NCAPD3: variants seen among roughly 807,000 people sequenced by gnomAD.
The protein encoded by NCAPD3 is condensin-2 complex subunit D3.
A neutral mutation model predicts 182.9 loss-of-function variants in NCAPD3; 105 were observed. The observed-to-expected ratio is 0.57, with a 90% CI of 0.49 to 0.68. NCAPD3 has a LOEUF of 0.68. NCAPD3 is among the 30% of genes least tolerant of loss of function. The pLI, the probability that NCAPD3 is intolerant of heterozygous loss-of-function variation, is 0.00. For synonymous variants in NCAPD3, 815 were observed against 679.9 expected (o/e 1.20, Z -3.09); for missense variants, 1,944 against 1,837.0 (o/e 1.06, Z -1.07).
At chr11:134,205,039 C>T (rs1944822486) in intron 8 of NCAPD3, 68 bp from the exon 9 acceptor site, 3 of 1,189,770 alleles carry the variant, frequency 2.5e-6, no homozygotes, top group African/African-American at 1.5e-5. Flanking sequence ...AACCACTACT[C>T]CTATATTTAG....
At chr11:134,223,462 A>G (rs1938320747) in intron 1 of NCAPD3, 3 of 702,594 alleles carry the variant, frequency 4.3e-6, no homozygotes, top group Admixed American at 2.0e-5. Context: ...TGATGTCTGC[A>G]TGTGAGACAT....
At chr11:134,184,033 A>C (rs890873912) in intron 19 of NCAPD3, among the ~76,000 whole-genome samples, 7 of 152,226 alleles carry the variant, frequency 4.6e-5, no homozygotes, top group African/African-American at 1.2e-4. Flanking sequence ...TATGGTAATA[A>C]AATTATTTCT....
intron 22 of NCAPD3, 161 bp downstream of exon 22, chr11:134,178,473 G>A (rs1369798001): frequency 2.0e-6 from 1 of 496,954 alleles, no homozygotes; most frequent in Admixed American, 3.5e-5. Flanking sequence ...CAGTTATGCA[G>A]AGCTCAGCAC....
intron 13 of NCAPD3, 111 bp from the exon 14 acceptor site, chr11:134,194,849 T>A: frequency 1.6e-6 from 1 of 627,306 alleles, no homozygotes; most frequent in Non-Finnish European, 2.7e-6. Flanking sequence ...CTCATTAGCT[T>A]GTTTTAAATC....
intron 13 of NCAPD3, among the ~76,000 whole-genome samples, chr11:134,200,614 A>C (rs1336800620): frequency 6.6e-6 from 1 of 152,238 alleles, no homozygotes; most frequent in African/African-American, 2.4e-5. Context: ...TAGGATTATC[A>C]TACGTTGCTA....
chr11:134,189,030 T>C (rs912738853), intron 16 of NCAPD3, among the ~76,000 whole-genome samples: 2 of 152,144 alleles, frequency 1.3e-5, no homozygotes, highest in African/African-American at 4.8e-5. Context: ...TGGTGTTTTG[T>C]TATGGTGGCC....
At chr11:134,216,731 C>T (rs1316625798) in intron 3 of NCAPD3, among the ~76,000 whole-genome samples, 4 of 151,090 alleles carry the variant, frequency 2.6e-5, no homozygotes, top group Non-Finnish European at 1.5e-5. Flanking sequence ...AGCATAACTT[C>T]GGATGAAAAA....
At chr11:134,173,493 A>G (rs1224943533) in intron 24 of NCAPD3, 2 of 153,672 alleles carry the variant, frequency 1.3e-5, no homozygotes, top group Non-Finnish European at 2.9e-5. Context: ...CACCCCAGCT[A>G]CTGAGCTGCT....
intron 24 of NCAPD3, among the ~76,000 whole-genome samples, chr11:134,169,387 G>T (rs574281384): frequency 6.6e-6 from 1 of 152,206 alleles, no homozygotes; most frequent in Non-Finnish European, 1.5e-5. Context: ...TGCAATCAGA[G>T]GCCAGTGGTC....
At chr11:134,169,694 A>C (rs1281953815) in intron 24 of NCAPD3, among the ~76,000 whole-genome samples, 2 of 152,232 alleles carry the variant, frequency 1.3e-5, no homozygotes, top group African/African-American at 4.8e-5. Flanking sequence ...AGATGCCACC[A>C]GGACCCTACC....
intron 24 of NCAPD3, 32 bp downstream of exon 24, chr11:134,176,273 CTG>C (rs1281774401): frequency 1.3e-6 from 2 of 1,568,730 alleles, no homozygotes; most frequent in Non-Finnish European, 1.8e-6. Context: ...ATGAGGTAAA[CTG>C]TTGAGTCGTC....
In NCAPD3 at chr11:134,178,649, C is replaced by T; in HGVS notation, c.2767G>A (p.Ala923Thr). The T allele has an allele frequency of 1.9e-6, 3 of 1,562,610 alleles. No individual in the cohort carries two copies. The highest frequency in any genetic ancestry group is 2.6e-6 in the Non-Finnish European group (3 of 1,152,814). ...SVMPSVIRAH[A>T]IITLGKLCLQ... ...TTTTTCTTACCTAAGGTAATGATGG[C>T]ATGTGCTCTAATCACAGAGGGCATG... Residue 923 changes from alanine to threonine, a missense_variant, in exon 22 of 35, where the codon GCC becomes ACC. Physicochemically the swap from Ala to Thr is moderately conservative, Grantham distance 58. This residue lies in a region of NCAPD3 where 1,803 missense variants were observed against 1,674.6 expected (regional missense o/e 1.08). Transcript: ENST00000534548.
intron 1 of NCAPD3, 68 bp downstream of exon 1, chr11:134,223,795 T>G (rs1046449320): frequency 1.3e-4 from 169 of 1,347,356 alleles, no homozygotes; most frequent in Non-Finnish European, 1.6e-4. Flanking sequence ...CGGCCCGGGC[T>G]TAGGCATCGT....
At position 134,188,828 on chromosome 11, in the gene NCAPD3, A is replaced by G. The variant is rs1944466616; in HGVS notation, c.2046-3302T>C. 2.0e-5 allele frequency among the ~76,000 whole-genome samples: 3 copies of G among 152,188 alleles called. No homozygotes were observed. In the South Asian group the frequency reaches 6.2e-4, roughly 31 times the overall value. ...AGACCAAGAACCCACCAGAAGGAAT[A>G]AATTCCGGACACAAAGGGTATCCTT... On this transcript the variant is annotated intron_variant, in intron 16 of 34. Transcript: ENST00000534548.
At position 134,152,563 on chromosome 11, in the gene NCAPD3, T is replaced by C. The variant is rs2120451104; in HGVS notation, c.*381A>G. Reference sequence around the variant, plus strand: ...AATTTCGTCATTACAGATGGGAAAATATGTACTATAAGGAATTCAAGTTAA... The same window carrying C: ...AATTTCGTCATTACAGATGGGAAAACATGTACTATAAGGAATTCAAGTTAA... On this transcript the variant is annotated 3_prime_UTR_variant, in exon 35 of 35. Transcript: ENST00000534548. 6.1e-6 allele frequency: 1 copy of C among 164,674 alleles called. No individual in the cohort carries two copies. The highest frequency in any genetic ancestry group is 1.7e-4 in the East Asian group (1 of 5,776). 10.2% of individuals were successfully genotyped at this position (164,674 alleles called of 1,614,324 possible).
At chr11:134,216,156 A>G (rs1330291444) in intron 3 of NCAPD3, among the ~76,000 whole-genome samples, 1 of 152,210 alleles carries the variant, frequency 6.6e-6, no homozygotes, top group Non-Finnish European at 1.5e-5. Context: ...ACTCATTTCC[A>G]AAGTCATGAT....
intron 20 of NCAPD3, among the ~76,000 whole-genome samples, chr11:134,180,688 A>T (rs1944277104): frequency 6.6e-6 from 1 of 152,236 alleles, no homozygotes; most frequent in South Asian, 2.1e-4. Context: ...ATGTTCAAAT[A>T]GCTCAGAAGA....
intron 31 of NCAPD3, among the ~76,000 whole-genome samples, chr11:134,157,418 C>T (rs750980113): frequency 2.8e-4 from 42 of 152,092 alleles, no homozygotes; most frequent in Non-Finnish European, 5.4e-4. Context: ...ACATACAAGG[C>T]TATATGTACA....
intron 24 of NCAPD3, among the ~76,000 whole-genome samples, chr11:134,176,082 T>G (rs1944155292): frequency 1.3e-5 from 2 of 152,216 alleles, no homozygotes; most frequent in Admixed American, 6.5e-5. Context: ...CAGTCAATGC[T>G]GAGATTATTC....
Sources: gnomAD v4.1 joint callset for allele counts (sites outside exome capture counted in the v4.1 genomes callset) on GRCh38, gnomAD v4.1.1 for gene constraint, gnomAD v4.1.1 regional missense constraint, MANE v1.5 for transcripts, NCBI Gene and HGNC (gene_info 2026-07-23, HGNC 2026-07-21) for gene names.